BIRC6: variants seen among roughly 807,000 people sequenced by gnomAD.
BIRC6 encodes the protein dual E2 ubiquitin-conjugating enzyme/E3 ubiquitin-protein ligase BIRC6.
A neutral mutation model predicts 503.3 loss-of-function variants in BIRC6; 98 were observed. The observed-to-expected ratio is 0.19, with a 90% confidence interval of 0.17 to 0.23. The LOEUF (loss-of-function observed/expected upper bound fraction) is 0.23, where lower values mean the gene tolerates loss of function less well. Ranked by LOEUF, BIRC6 falls within the 10% of genes least tolerant of loss-of-function variation. The pLI is 1.00. For synonymous variants in BIRC6, 2,240 were observed against 2,078.7 expected (o/e 1.08, Z -2.11); for missense variants, 5,360 against 5,806.0 (o/e 0.92, Z 2.50).
chr2:32,485,705 T>G lies in BIRC6; in HGVS notation c.7759T>G (p.Ser2587Ala). Residue 2587 changes from serine (S) to alanine (A), a missense_variant, in exon 40 of 74, where the codon TCT becomes GCT. Coordinates refer to ENST00000421745, the MANE Select transcript of BIRC6 (RefSeq NM_016252.4). ...QQAELMLKMMSTLEADSILQA... is the reference protein window; with the variant it reads ...QQAELMLKMMATLEADSILQA... ...AGCAGAACTGATGTTGAAAATGATG[T>G]CTACTCTGGAGGCAGATTCCATTTT... 1 of 1,613,822 alleles carries G rather than the reference T, an allele frequency of 6.2e-7. No individual in the cohort carries two copies. The highest frequency in any genetic ancestry group is 8.5e-7 in the Non-Finnish European group (1 of 1,179,730).
intron 66 of BIRC6, among the ~76,000 whole-genome samples, chr2:32,580,058 A>G (rs952870230): frequency 6.6e-6 from 1 of 151,690 alleles, no homozygotes; most frequent in Non-Finnish European, 1.5e-5. Flanking sequence ...GTTTCAAGCA[A>G]TTCTCTTGCT....
chr2:32,518,957 T>A lies in BIRC6; in HGVS notation c.11623+11T>A. On this transcript the variant is annotated intron_variant, in intron 57 of 73. Coordinates refer to ENST00000421745, the MANE Select transcript of BIRC6 (RefSeq NM_016252.4). ...TTGACAGAGTGTCAGGCAAGTCAGA[T>A]TTAAGTATTAGTTTTTGTTTAACTT... is the stretch of plus-strand genomic sequence containing the variant. The A allele has an allele frequency of 6.2e-7, 1 of 1,611,216 alleles. No homozygotes were observed. The highest frequency in any genetic ancestry group is 1.3e-5 in the African/African-American group (1 of 75,012).
intron 37 of BIRC6, among the ~76,000 whole-genome samples, chr2:32,480,142 G>T (rs1050144208): frequency 6.6e-6 from 1 of 152,106 alleles, no homozygotes; most frequent in South Asian, 2.1e-4. Context: ...GTTTGCTCAT[G>T]ATTTTCTATT....
chr2:32,465,169 T>A lies in BIRC6; in HGVS notation c.5356+5T>A. The A allele has an allele frequency of 2.1e-6, 3 of 1,426,506 alleles. No homozygotes were observed. Among genetic ancestry groups the A allele is most frequent in the Non-Finnish European group, 1.9e-6 (2 of 1,057,890 alleles). 88.4% of individuals were successfully genotyped at this position (1,426,506 alleles called of 1,614,324 possible). On this transcript the variant is annotated splice_donor_5th_base_variant and intron_variant, in intron 26 of 73. Transcript: ENST00000421745. ...TTATAGAGCGAATGCATTCAGGTAA[T>A]CTTTTACTTTCTTAAATTTTTTTTT...
At chr2:32,471,612 TA>T (rs2049109179) in intron 32 of BIRC6, among the ~76,000 whole-genome samples, 2 of 152,158 alleles carry the variant, frequency 1.3e-5, no homozygotes, top group African/African-American at 4.8e-5. Flanking sequence ...ATTTAAAAAT[TA>T]AAGGAAATCA....
At chr2:32,517,669 C>A (rs765374396) in intron 55 of BIRC6, among the ~76,000 whole-genome samples, 1 of 152,058 alleles carries the variant, frequency 6.6e-6, no homozygotes, top group East Asian at 1.9e-4. Flanking sequence ...CTGAAACTTT[C>A]GGGCTCAAGA....
intron 9 of BIRC6, among the ~76,000 whole-genome samples, chr2:32,411,609 G>A (rs1483443404): frequency 6.6e-6 from 1 of 151,602 alleles, no homozygotes; most frequent in Non-Finnish European, 1.5e-5. Flanking sequence ...CTCCTGAGCA[G>A]TGGGACTACA....
intron 44 of BIRC6, among the ~76,000 whole-genome samples, 178 bp from the exon 45 acceptor site, chr2:32,493,362 A>C (rs992628800): frequency 1.3e-5 from 2 of 152,116 alleles, no homozygotes; most frequent in African/African-American, 4.8e-5. Context: ...TGCAATTCAA[A>C]ATAAATACAT....
intron 4 of BIRC6, among the ~76,000 whole-genome samples, chr2:32,391,510 A>G (rs2039226588): frequency 6.6e-6 from 1 of 152,250 alleles, no homozygotes; most frequent in South Asian, 2.1e-4. Context: ...CTACGAGTAA[A>G]CCTAAAGTTA....
rs756895560 is a variant in BIRC6 at position 32,529,727 on chromosome 2, C to T, written c.11997C>T (p.Tyr3999=). Residue 3999 remains tyrosine, a synonymous_variant, in exon 60 of 74, where the codon TAC becomes TAT. Coordinates refer to ENST00000421745, the MANE Select transcript of BIRC6 (RefSeq NM_016252.4). ...ATGACCGAAAACTTCCTCAGGGTTA[C>T]CGCTCAATAGATCTGACTGTTAAAT... ...LLYDRKLPQG[Y]RSIDLTVKLG... 6.2e-7 allele frequency: 1 copy of T among 1,613,620 alleles called. No homozygotes were observed. Among genetic ancestry groups the T allele is most frequent in the Non-Finnish European group, 8.5e-7 (1 of 1,179,672 alleles).
At position 32,501,799 on chromosome 2, in the gene BIRC6, C is replaced by T. The variant is rs1429097069; in HGVS notation, c.9118C>T (p.Leu3040=). 6.2e-7 allele frequency: 1 copy of T among 1,613,812 alleles called. No individual in the cohort carries two copies. The change falls in exon 47 of 74, where the codon CTG becomes TTG. Residue 3040 remains leucine (L), a synonymous_variant. Transcript: ENST00000421745. Reference sequence around the variant, plus strand: ...AGTTGGGGATGGATTATTTACCATACTGACAACCCTTAGTAAAAAAGCTTC... The same window carrying T: ...AGTTGGGGATGGATTATTTACCATATTGACAACCCTTAGTAAAAAAGCTTC... ...ISVGDGLFTI[L]TTLSKKASTV...
chr2:32,518,254 G>T lies in BIRC6; in HGVS notation c.11350G>T (p.Val3784Phe). The change falls in exon 56 of 74, where the codon GTT becomes TTT. Residue 3784 changes from valine (V) to phenylalanine (F), a missense_variant and splice_region_variant. By Grantham distance (50) the Val-to-Phe change is conservative. Transcript: ENST00000421745. ...CTTTTTAAATATTTTGTCTTGCCAG[G>T]TTCTTTGTGAACTATTTCAGACATC... ...HPNNQKLMAQ[V>F]LCELFQTSPQ... The T allele has an allele frequency of 6.2e-7, 1 of 1,611,036 alleles. No homozygotes were observed. The highest frequency in any genetic ancestry group is 2.2e-5 in the East Asian group (1 of 44,596).
intron 54 of BIRC6, among the ~76,000 whole-genome samples, chr2:32,514,616 A>C (rs541661889): frequency 6.6e-6 from 1 of 152,330 alleles, no homozygotes; most frequent in East Asian, 1.9e-4. Flanking sequence ...TGCAAACATG[A>C]ATTTAAGCCA....
rs1230045820 is a variant in BIRC6 at position 32,515,648 on chromosome 2, C to T, written c.11227C>T (p.Leu3743Phe). The T allele has an allele frequency of 7.4e-6, 12 of 1,611,098 alleles. No individual in the cohort carries two copies. Among genetic ancestry groups the T allele is most frequent in the Non-Finnish European group, 8.5e-6 (10 of 1,179,868 alleles). The change falls in exon 55 of 74, where the codon CTT (leucine) becomes TTT (phenylalanine). Residue 3743 changes from leucine to phenylalanine, a missense_variant. By Grantham distance (22) the Leu-to-Phe change is conservative (BLOSUM62 0). Around this residue, in one of 16 missense-constraint regions of BIRC6, gnomAD observed 878 missense variants for 928.9 expected, o/e 0.95. Transcript: ENST00000421745. The stretch of plus-strand genomic sequence containing the variant: ...ACAGACCAGTGCAAGATCAGCTTCT[C>T]TTTCTTCAGCTGCTACAACAGGACT... Reference protein sequence around the residue: ...AQQTSARSASLSSAATTGLTT... With the variant: ...AQQTSARSASFSSAATTGLTT...
intron 65 of BIRC6, among the ~76,000 whole-genome samples, chr2:32,566,954 A>G (rs759807317): frequency 6.6e-6 from 1 of 152,152 alleles, no homozygotes; most frequent in Non-Finnish European, 1.5e-5. Context: ...GAATGAAGAC[A>G]TTACTCTTTT....
At chr2:32,594,104 G>T (rs368349827) in intron 67 of BIRC6, 44 bp downstream of exon 67, 7 of 1,567,084 alleles carry the variant, frequency 4.5e-6, no homozygotes, top group Non-Finnish European at 3.5e-6. Context: ...TTGATGTAAA[G>T]ATGTTTCATT....
chr2:32,369,946 ATATAT>A (rs1182863733), intron 1 of BIRC6, among the ~76,000 whole-genome samples: 76 of 28,400 alleles, frequency 2.7e-3, no homozygotes, highest in African/African-American at 4.4e-3. Flanking sequence ...AAAAAAAAAA[ATATAT>A]ATATATATAT....
chr2:32,491,367 T>C, intron 43 of BIRC6, 58 bp from the exon 44 acceptor site: 1 of 1,468,360 alleles, frequency 6.8e-7, no homozygotes, highest in Non-Finnish European at 9.1e-7. Context: ...TTTCAGATAC[T>C]GCATTTCCAT....
At position 32,402,332 on chromosome 2, in the gene BIRC6, G is replaced by T. The variant is rs562558982; in HGVS notation, c.1418+709G>T. Among the ~76,000 whole-genome samples, 25 of 152,244 alleles carry T rather than the reference G, an allele frequency of 1.6e-4. No homozygotes were observed. The South Asian group carries it at 5.2e-3, about 32-fold the overall frequency. The stretch of plus-strand genomic sequence containing the variant: ...GGTGGAGGGGAAGAAGATTGTGTAG[G>T]CAGCCATGTGAAATGGAGCTATTTA... On this transcript the variant is annotated intron_variant, in intron 8 of 73. Transcript: ENST00000421745.
Sources: allele counts gnomAD v4.1 joint callset (sites outside exome capture counted in the v4.1 genomes callset), GRCh38; gene constraint gnomAD v4.1.1; regional missense constraint gnomAD v4.1.1; transcripts MANE v1.5; gene names NCBI Gene and HGNC (gene_info 2026-07-23, HGNC 2026-07-21).